Variants in PRKN observed in about 807,000 individuals in gnomAD.
PRKN encodes parkin RBR E3 ubiquitin protein ligase, also known as E3 ubiquitin-protein ligase parkin.
PRKN carries 56 observed loss-of-function variants against 59.5 expected under a neutral mutation model. The observed-to-expected ratio is 0.94, with a 90% CI of 0.76 to 1.18. PRKN has a LOEUF of 1.18. Ranked by LOEUF, PRKN falls within the 50% of genes most tolerant of loss-of-function variation. PRKN has a pLI of 0.00. For synonymous variants in PRKN, 250 were observed against 222.1 expected, an observed-to-expected ratio of 1.13 and a Z score of -1.12; for missense variants, 657 against 596.4, an observed-to-expected ratio of 1.10 and a Z score of -1.06.
Position 161,668,230 on chromosome 6 carries a change from T to TA in PRKN, c.872-98815dup, listed in dbSNP as rs1329462200. Among the ~76,000 whole-genome samples the TA allele has an allele frequency of 6.5e-3, 746 of 114,318 alleles. 9 individuals carry two copies. Among genetic ancestry groups the TA allele is most frequent in the African/African-American group, 0.02 (614 of 31,074 alleles). 75.0% of individuals were successfully genotyped at this position (114,318 alleles called of 152,430 possible). On this transcript the variant is annotated intron_variant, in intron 7 of 11. Coordinates refer to ENST00000366898, the MANE Select transcript of PRKN (RefSeq NM_004562.3). ...CCTTTAGCCCAGAAAAAACTCCCATTAAAAAAAAAAAGAAGAAACAGGTTT... is the reference window on the plus strand; with the variant it reads ...CCTTTAGCCCAGAAAAAACTCCCATTAAAAAAAAAAAAGAAGAAACAGGTTT...
At chr6:162,384,569 G>C (rs1220436238) in intron 2 of PRKN, among the ~76,000 whole-genome samples, 2 of 150,380 alleles carry the variant, frequency 1.3e-5, no homozygotes, top group African/African-American at 4.9e-5. Context: ...GATAGAGATA[G>C]AGTGAGCACA....
In PRKN at chr6:161,924,407, G is replaced by A. The variant is rs147263574; in HGVS notation, c.734+48895C>T. On this transcript the variant is annotated intron_variant, in intron 6 of 11. Transcript: ENST00000366898. ...TTCTATTTGTTTCCTCCTAGTTTGC[G>A]TTTAATGTCTTTTCCACAGTGACTA... Among the ~76,000 whole-genome samples the A allele has an allele frequency of 7.2e-5, 11 of 152,232 alleles. No homozygotes were observed. In the East Asian group the frequency reaches 1.5e-3, roughly 21 times the overall value.
Position 161,641,340 on chromosome 6 carries a change from G to C in PRKN, c.872-71924C>G, listed in dbSNP as rs180750029. 7.2e-4 allele frequency among the ~76,000 whole-genome samples: 110 copies of C among 152,310 alleles called. 1 individual carries two copies. The highest frequency in any genetic ancestry group is 6.8e-3 in the Middle Eastern group (2 of 294). On this transcript the variant is annotated intron_variant, in intron 7 of 11. Coordinates refer to ENST00000366898, the MANE Select transcript of PRKN (RefSeq NM_004562.3). Reference sequence around the variant, plus strand: ...TAAAACCTAAAATCTGTGCTTGAGAGATTTTGCTGACCCTGCATTCAATGG... The same window carrying C: ...TAAAACCTAAAATCTGTGCTTGAGACATTTTGCTGACCCTGCATTCAATGG...
At chr6:161,421,783 A>AT (rs1184737489) in intron 9 of PRKN, among the ~76,000 whole-genome samples, 3 of 152,216 alleles carry the variant, frequency 2.0e-5, no homozygotes, top group Non-Finnish European at 2.9e-5. Context: ...TTTAAAAAGT[A>AT]TTTTTTAAAA....
intron 2 of PRKN, among the ~76,000 whole-genome samples, chr6:162,407,319 T>A (rs770472739): frequency 3.3e-5 from 5 of 152,214 alleles, no homozygotes; most frequent in Non-Finnish European, 7.3e-5. Context: ...CCTGATGTAC[T>A]CCAAGTTATT....
At chr6:161,382,058 G>A (rs1412640088) in intron 10 of PRKN, among the ~76,000 whole-genome samples, 1 of 140,164 alleles carries the variant, frequency 7.1e-6, no homozygotes, top group African/African-American at 2.7e-5. Context: ...CTTGCAGTGA[G>A]CCAAGATAGC....
At chr6:162,363,679 T>C (rs1424016727) in intron 2 of PRKN, among the ~76,000 whole-genome samples, 3 of 152,168 alleles carry the variant, frequency 2.0e-5, no homozygotes, top group Admixed American at 1.3e-4. Flanking sequence ...GAAATGCATA[T>C]GTAATATGCA....
chr6:161,431,813 A>G (rs1040352410), intron 9 of PRKN, among the ~76,000 whole-genome samples: 1 of 152,082 alleles, frequency 6.6e-6, no homozygotes, highest in Non-Finnish European at 1.5e-5. Flanking sequence ...GGGTTTCACC[A>G]TATTGGCCAG....
chr6:162,418,976 C>T (rs1330901770), intron 2 of PRKN, among the ~76,000 whole-genome samples: 1 of 151,860 alleles, frequency 6.6e-6, no homozygotes, highest in Non-Finnish European at 1.5e-5. Flanking sequence ...AACTGGGAAG[C>T]AGGCACAAGG....
In PRKN at chr6:161,456,108, T is replaced by A. The variant is rs1348955003; in HGVS notation, c.1084-69231A>T. 2.0e-5 allele frequency among the ~76,000 whole-genome samples: 3 copies of A among 152,140 alleles called. No individual in the cohort carries two copies. Among genetic ancestry groups the A allele is most frequent in the Admixed American group, 1.3e-4 (2 of 15,274 alleles). On this transcript the variant is annotated intron_variant, in intron 9 of 11. Transcript: ENST00000366898. The surrounding 1 kb of genome is among the most constrained non-coding windows in gnomAD (Gnocchi z 4.8). ...ATATTGAGTGTCAACTTGATTGGAT[T>A]GAAGGACGCAAAGTATTGTTCCTGG...
At chr6:162,335,494 T>G (rs189430742) in intron 2 of PRKN, among the ~76,000 whole-genome samples, 19 of 152,332 alleles carry the variant, frequency 1.2e-4, no homozygotes, top group Admixed American at 1.2e-3. Flanking sequence ...GAATCTAACC[T>G]GTAGTATCTC....
At chr6:161,959,992 T>C (rs967376338) in intron 6 of PRKN, among the ~76,000 whole-genome samples, 6 of 152,204 alleles carry the variant, frequency 3.9e-5, no homozygotes, top group African/African-American at 1.2e-4. Flanking sequence ...CCTGCACACC[T>C]ACAGACCTTC....
chr6:161,737,518 C>G (rs1788013546), intron 7 of PRKN, among the ~76,000 whole-genome samples: 2 of 152,172 alleles, frequency 1.3e-5, no homozygotes, highest in Admixed American at 6.5e-5. Context: ...CTAATATGAT[C>G]ACATTTTTGA....
At chr6:161,745,907 T>C (rs1047476385) in intron 7 of PRKN, among the ~76,000 whole-genome samples, 17 of 152,234 alleles carry the variant, frequency 1.1e-4, no homozygotes, top group African/African-American at 3.9e-4. Context: ...TTTTGCAGAC[T>C]TTCTTGTGTC....
At chr6:162,322,903 G>A (rs1783092000) in intron 2 of PRKN, among the ~76,000 whole-genome samples, 1 of 151,898 alleles carries the variant, frequency 6.6e-6, no homozygotes, top group Non-Finnish European at 1.5e-5. Context: ...AAAAAATGAT[G>A]AGTTCATGTC....
intron 1 of PRKN, among the ~76,000 whole-genome samples, chr6:162,543,852 T>C (rs931380928): frequency 7.9e-5 from 12 of 152,098 alleles, no homozygotes; most frequent in South Asian, 4.1e-4. Flanking sequence ...CAAAAAAACA[T>C]GGCAAGGTGC....
At chr6:162,528,496 G>C (rs569259130) in intron 1 of PRKN, among the ~76,000 whole-genome samples, 1 of 148,176 alleles carries the variant, frequency 6.7e-6, no homozygotes, top group South Asian at 2.1e-4. Context: ...TTACTTAGAA[G>C]ATTCTATTCA....
At chr6:162,660,024 C>T (rs1778817275) in intron 1 of PRKN, among the ~76,000 whole-genome samples, 1 of 152,112 alleles carries the variant, frequency 6.6e-6, no homozygotes, top group African/African-American at 2.4e-5. Flanking sequence ...TTATGATAAT[C>T]CTCCTATCCT....
intron 9 of PRKN, among the ~76,000 whole-genome samples, chr6:161,532,164 C>CTATATA (rs770823196): frequency 2.9e-4 from 20 of 67,956 alleles, no homozygotes; most frequent in Non-Finnish European, 5.2e-4. Flanking sequence ...CTCTCTCTCT[C>CTATATA]TCTATATATA....
Sources: gnomAD v4.1 joint callset for allele counts (sites outside exome capture counted in the v4.1 genomes callset) on GRCh38, gnomAD v4.1.1 for gene constraint, Gnocchi (gnomAD v3.1) non-coding constraint, MANE v1.5 for transcripts, NCBI Gene and HGNC (gene_info 2026-07-23, HGNC 2026-07-21) for gene names.